The following FIP1L1 variants were observed in gnomAD, a reference collection of about 807,000 sequenced individuals.
FIP1L1 encodes factor interacting with PAPOLA and CPSF1.
FIP1L1 carries 21 observed loss-of-function variants against 84.6 expected under a neutral mutation model. That is an observed-to-expected ratio of 0.25 (90% CI 0.18 to 0.36). The LOEUF is 0.36. FIP1L1 is among the 10% of genes least tolerant of loss of function. The pLI is 1.00. For missense variants in FIP1L1, 526 were observed against 751.1 expected (o/e 0.70, Z 3.50); for synonymous variants, 263 against 242.3 (o/e 1.09, Z -0.80).
At chr4:53,442,599 T>C (rs527253792) in intron 13 of FIP1L1, 54 bp from the exon 14 acceptor site, 1 of 1,245,934 alleles carries the variant, frequency 8.0e-7, no homozygotes. Flanking sequence ...TGTTTCACTC[T>C]TGACATTAAG....
chr4:53,391,218 A>G (rs992139809), intron 8 of FIP1L1, 79 bp downstream of exon 8: 27 of 1,454,480 alleles, frequency 1.9e-5, no homozygotes, highest in Non-Finnish European at 2.4e-5. Flanking sequence ...GCTTCCCTAT[A>G]AAAGTGGTTA....
intron 13 of FIP1L1, among the ~76,000 whole-genome samples, chr4:53,437,436 T>G (rs911059258): frequency 6.6e-6 from 1 of 151,816 alleles, no homozygotes; most frequent in Non-Finnish European, 1.5e-5. Context: ...GTAGATGCTT[T>G]TGTTTCATAA....
intron 12 of FIP1L1, 119 bp from the exon 13 acceptor site, chr4:53,427,908 C>T: frequency 1.2e-6 from 1 of 839,562 alleles, no homozygotes; most frequent in Non-Finnish European, 1.8e-6. Flanking sequence ...CCCAAAAATA[C>T]ATATATGTGA....
At chr4:53,410,973 G>C (rs939711385) in intron 10 of FIP1L1, among the ~76,000 whole-genome samples, 23 of 5,790 alleles carry the variant, frequency 4.0e-3, no homozygotes, top group African/African-American at 8.5e-3. Flanking sequence ...GAATAAGGTG[G>C]GGGGGGCTGC....
intron 15 of FIP1L1, among the ~76,000 whole-genome samples, chr4:53,445,574 A>C (rs1560577091): frequency 1.3e-5 from 2 of 152,192 alleles, no homozygotes; most frequent in Non-Finnish European, 2.9e-5. Flanking sequence ...GAGAAGTGAC[A>C]AGATAAAGGA....
intron 13 of FIP1L1, among the ~76,000 whole-genome samples, chr4:53,435,663 G>C (rs1474515855): frequency 6.6e-6 from 1 of 152,022 alleles, no homozygotes; most frequent in African/African-American, 2.4e-5. Flanking sequence ...TGGTTACTTT[G>C]TTGTGTGACC....
chr4:53,438,132 A>G (rs1770295968), intron 13 of FIP1L1, among the ~76,000 whole-genome samples: 1 of 152,208 alleles, frequency 6.6e-6, no homozygotes, highest in Admixed American at 6.5e-5. Context: ...CTACTGTTAC[A>G]TACAGCTTTC....
intron 10 of FIP1L1, among the ~76,000 whole-genome samples, chr4:53,406,418 T>C (rs531112339): frequency 6.6e-6 from 1 of 152,334 alleles, no homozygotes; most frequent in Admixed American, 6.5e-5. Context: ...TGCCAGTATG[T>C]TACTGAGGAT....
chr4:53,385,772 C>T (rs1560487137), intron 5 of FIP1L1, among the ~76,000 whole-genome samples: 2 of 152,190 alleles, frequency 1.3e-5, no homozygotes, highest in East Asian at 3.9e-4. Context: ...AACTCATATC[C>T]CTCTATGCGT....
chr4:53,428,698 T>C (rs1477730707), intron 13 of FIP1L1, among the ~76,000 whole-genome samples: 2 of 152,240 alleles, frequency 1.3e-5, no homozygotes, highest in East Asian at 3.8e-4. Flanking sequence ...TTAGCTACTT[T>C]TGATTACAAT....
At chr4:53,379,330 C>T (rs1351114547) in intron 3 of FIP1L1, 66 bp downstream of exon 3, 12 of 1,350,380 alleles carry the variant, frequency 8.9e-6, no homozygotes, top group Non-Finnish European at 1.1e-5. Flanking sequence ...TGTCAGTTGT[C>T]AAAATTATTT....
chr4:53,377,886 G>C lies in FIP1L1; in HGVS notation c.48G>C (p.Gly16=), dbSNP rs376917506. The C allele has an allele frequency of 4.1e-4, 661 of 1,601,726 alleles. 7 individuals carry two copies. In the South Asian group the frequency reaches 4.9e-3, roughly 12 times the overall value. Residue 16 remains glycine (G), a synonymous_variant, in exon 1 of 18, where the codon GGG becomes GGC. Coordinates refer to ENST00000337488, the MANE Select transcript of FIP1L1 (RefSeq NM_030917.4). ...VERLVSELSG[G]TGGDEEEEWL... ...GCCTAGTGTCGGAGCTGAGCGGCGG[G>C]ACCGGAGGGGATGAGGAGGAAGAGT...
At chr4:53,402,752 A>G (rs973796132) in intron 10 of FIP1L1, among the ~76,000 whole-genome samples, 1 of 152,128 alleles carries the variant, frequency 6.6e-6, no homozygotes, top group African/African-American at 2.4e-5. Context: ...ATGAGTTATT[A>G]AAGGAGAAAT....
intron 11 of FIP1L1, among the ~76,000 whole-genome samples, chr4:53,421,937 A>C (rs1762574580): frequency 6.6e-6 from 1 of 152,204 alleles, no homozygotes; most frequent in Non-Finnish European, 1.5e-5. Context: ...TCAAAAGCAC[A>C]GTTACATTAT....
chr4:53,406,227 T>G (rs1351755647), intron 10 of FIP1L1, among the ~76,000 whole-genome samples: 1 of 152,238 alleles, frequency 6.6e-6, no homozygotes. Flanking sequence ...TGAAGGGTTG[T>G]TGAATTTTGT....
At chr4:53,416,896 G>A (rs1759741272) in intron 11 of FIP1L1, among the ~76,000 whole-genome samples, 1 of 152,016 alleles carries the variant, frequency 6.6e-6, no homozygotes, top group South Asian at 2.1e-4. Context: ...CCCGGGAGGT[G>A]GAGGTTGCAT....
chr4:53,406,141 G>C (rs777624395), intron 10 of FIP1L1, among the ~76,000 whole-genome samples: 1 of 152,084 alleles, frequency 6.6e-6, no homozygotes, highest in Non-Finnish European at 1.5e-5. Context: ...TATTGGCTGT[G>C]GGTTTGTTAT....
intron 14 of FIP1L1, among the ~76,000 whole-genome samples, chr4:53,443,520 CTT>C (rs1772902017): frequency 6.6e-6 from 1 of 152,046 alleles, no homozygotes; most frequent in Non-Finnish European, 1.5e-5. Flanking sequence ...TATGTGAGAA[CTT>C]TACATCAGTA....
At chr4:53,447,582 G>A (rs1261537735) in intron 15 of FIP1L1, among the ~76,000 whole-genome samples, 1 of 152,102 alleles carries the variant, frequency 6.6e-6, no homozygotes, top group Non-Finnish European at 1.5e-5. Context: ...TGTAAATATT[G>A]TGCACTGCAG....
Sources: gnomAD v4.1 joint callset for allele counts (sites outside exome capture counted in the v4.1 genomes callset) on GRCh38, gnomAD v4.1.1 for gene constraint, MANE v1.5 for transcripts, NCBI Gene and HGNC (gene_info 2026-07-23, HGNC 2026-07-21) for gene names.